Variants in YIF1B observed in about 807,000 individuals in gnomAD.
YIF1B encodes protein YIF1B.
In YIF1B, 24 loss-of-function variants were observed where a neutral mutation model predicts 34.6. The ratio of observed to expected loss-of-function variants is 0.69; its 90% CI spans 0.50 to 0.98. The LOEUF (loss-of-function observed/expected upper bound fraction) is 0.98. YIF1B is among the 50% of genes least tolerant of loss of function. The probability of loss-of-function intolerance (pLI) is 0.00; values close to 1 mark genes in which losing one functional copy is unlikely to be tolerated. For missense variants in YIF1B, 368 were observed against 429.4 expected, an observed-to-expected ratio of 0.86 and a Z score of 1.26; for synonymous variants, 186 against 184.8, an observed-to-expected ratio of 1.01 and a Z score of -0.05.
At chr19:38,312,730 G>C (rs1969372998) in intron 1 of YIF1B, among the ~76,000 whole-genome samples, 1 of 152,152 alleles carries the variant, frequency 6.6e-6, no homozygotes, top group African/African-American at 2.4e-5. Context: ...TCTACACAAC[G>C]GAGTTAACTG....
chr19:38,319,814 C>G, upstream of YIF1B: 2 of 896,166 alleles, frequency 2.2e-6, no homozygotes, highest in Non-Finnish European at 3.1e-6. Context: ...CCCCACCTCC[C>G]CTTTTTCCTC....
At chr19:38,319,864 C>T (rs528396934), upstream of YIF1B, 64 of 1,270,214 alleles carry the variant, frequency 5.0e-5, no homozygotes, top group South Asian at 1.8e-4. Flanking sequence ...GTAGCACTCC[C>T]GGAACTGGAA....
Position 38,304,346 on chromosome 19 carries a change from T to C in YIF1B, c.*1006A>G. ...GCCGGACTCAAGCCCAGAAGCTGCC[T>C]GCACCAACCACCCAACTTCTCTCCA... On this transcript the variant is annotated 3_prime_UTR_variant, in exon 8 of 8. Coordinates refer to ENST00000339413, the MANE Select transcript of YIF1B (RefSeq NM_001039672.3). 1 of 1,608,866 alleles carries C rather than the reference T, an allele frequency of 6.2e-7. No individual in the cohort carries two copies. Among genetic ancestry groups the C allele is most frequent in the Non-Finnish European group, 8.5e-7 (1 of 1,178,438 alleles).
In YIF1B at chr19:38,307,634, TG is replaced by T. The variant is rs1161969103; in HGVS notation, c.657del (p.Ile220SerfsTer14). Reference sequence around the variant, plus strand: ...TAGCCCAAGAAGGCCACCAGGTCGATGGTGGTGAGGTCGGTGTTGACAGTGA... The same window carrying T: ...TAGCCCAAGAAGGCCACCAGGTCGATGTGGTGAGGTCGGTGTTGACAGTGA... ...YLVTVNTDLT[T>X]IDLVAFLGYK... is the part of the protein sequence containing the mutation. On this transcript the variant is annotated frameshift_variant, in exon 6 of 8. Transcript: ENST00000339413. LOFTEE classifies it high-confidence loss of function. 2 of 1,613,688 alleles carry T rather than the reference TG, an allele frequency of 1.2e-6. No homozygotes were observed. The highest frequency in any genetic ancestry group is 4.5e-5 in the East Asian group (2 of 44,864).
intron 1 of YIF1B, among the ~76,000 whole-genome samples, chr19:38,311,961 G>A (rs919947537): frequency 6.6e-6 from 1 of 151,522 alleles, no homozygotes; most frequent in Non-Finnish European, 1.5e-5. Flanking sequence ...GCTGGGCATG[G>A]TGGTGCGTGC....
chr19:38,317,225 C>G (rs1969579342), upstream of YIF1B: 1 of 152,372 alleles, frequency 6.6e-6, no homozygotes. Context: ...CCCCCCTTCT[C>G]TCCCTCTCAG....
upstream of YIF1B, chr19:38,319,819 T>G: frequency 1.1e-6 from 1 of 945,188 alleles, no homozygotes; most frequent in South Asian, 2.5e-5. Context: ...CCTCCCCTTT[T>G]TCCTCTTCCT....
Position 38,309,379 on chromosome 19 carries a change from C to G in YIF1B, c.297+26G>C, listed in dbSNP as rs45552232. ...AGCCCTGTGGCCCCGTGCATCCCCCCACTCCCACCAGCCCCGCCCACTCAC... is the reference window on the plus strand; with the variant it reads ...AGCCCTGTGGCCCCGTGCATCCCCCGACTCCCACCAGCCCCGCCCACTCAC... On this transcript the variant is annotated intron_variant, in intron 2 of 7. Transcript: ENST00000339413. 3.8e-5 allele frequency: 62 copies of G among 1,612,694 alleles called. No individual in the cohort carries two copies. The South Asian group carries it at 4.6e-4, about 12-fold the overall frequency.
upstream of YIF1B, among the ~76,000 whole-genome samples, chr19:38,319,654 G>A (rs1424529323): frequency 6.6e-6 from 1 of 152,218 alleles, no homozygotes; most frequent in Non-Finnish European, 1.5e-5. Flanking sequence ...CGAGAAGGAA[G>A]GAATGAGGGG....
chr19:38,313,850 G>A (rs111582083), intron 1 of YIF1B, among the ~76,000 whole-genome samples: 13 of 152,352 alleles, frequency 8.5e-5, no homozygotes, highest in African/African-American at 3.1e-4. Context: ...AGAGGCCCCT[G>A]CCTTTGCAGA....
rs374419460 is a variant in YIF1B at position 38,304,047 on chromosome 19, C to T, written c.*1305G>A. 1.1e-4 allele frequency: 71 copies of T among 631,036 alleles called. 1 individual carries two copies. In the African/African-American group the frequency reaches 1.2e-3, roughly 11 times the overall value. The allele number at this position is 631,036 out of a possible 1,614,324, so 39.1% of individuals were successfully genotyped here. A position where few individuals can be genotyped will look rare whatever the true frequency, so the allele number is the denominator to read the frequency against. On this transcript the variant is annotated 3_prime_UTR_variant, in exon 8 of 8. Coordinates refer to ENST00000339413, the MANE Select transcript of YIF1B (RefSeq NM_001039672.3). ...GTCGGCCTCCCCTGAGGCACCAAGGCTGGCGGAAGCAGTCACCTGTCCATC... is the reference window on the plus strand; with the variant it reads ...GTCGGCCTCCCCTGAGGCACCAAGGTTGGCGGAAGCAGTCACCTGTCCATC...
Position 38,305,037 on chromosome 19 carries a change from C to T in YIF1B, c.*315G>A. ...CTGGTCAGCGTGGTGCCTACTCTGG[C>T]CCGTCCCCAGCTCCCTGCCCCCTGC... On this transcript the variant is annotated 3_prime_UTR_variant, in exon 8 of 8. Transcript: ENST00000339413. The T allele has an allele frequency of 6.5e-7, 1 of 1,544,480 alleles. No homozygotes were observed. Among genetic ancestry groups the T allele is most frequent in the South Asian group, 1.2e-5 (1 of 83,406 alleles).
In YIF1B at chr19:38,305,221, C is replaced by A; in HGVS notation, c.*131G>T. ...ACCTTGGGTTGGGGGCGGGGCTGGGCGGGACATGGGATGGAGGCGGTGCCT... is the reference window on the plus strand; with the variant it reads ...ACCTTGGGTTGGGGGCGGGGCTGGGAGGGACATGGGATGGAGGCGGTGCCT... On this transcript the variant is annotated 3_prime_UTR_variant, in exon 8 of 8. Coordinates refer to ENST00000339413, the MANE Select transcript of YIF1B (RefSeq NM_001039672.3). 1 of 1,378,218 alleles carries A rather than the reference C, an allele frequency of 7.3e-7. No individual in the cohort carries two copies. Among genetic ancestry groups the A allele is most frequent in the Non-Finnish European group, 9.7e-7 (1 of 1,036,196 alleles). 85.4% of individuals were successfully genotyped at this position (1,378,218 alleles called of 1,614,324 possible).
Position 38,305,375 on chromosome 19 carries a change from G to C in YIF1B, c.922C>G (p.Leu308Val), listed in dbSNP as rs1293483038. The C allele has an allele frequency of 1.9e-6, 3 of 1,604,218 alleles. No individual in the cohort carries two copies. The highest frequency in any genetic ancestry group is 2.6e-6 in the Non-Finnish European group (3 of 1,173,752). ...AAAQPMLMYW[L>V]TFHLVR ...GCTCACCGCACCAGGTGGAAGGTGA[G>C]CCAGTACATGAGCATAGGCTGCGCC... The change falls in exon 8 of 8, where the codon CTC (leucine) becomes GTC (valine). Residue 308 changes from leucine (L) to valine (V), a missense_variant. Around this residue, in one of 3 missense-constraint regions of YIF1B, gnomAD observed 208 missense variants for 247.8 expected, o/e 0.84. Coordinates refer to ENST00000339413, the MANE Select transcript of YIF1B (RefSeq NM_001039672.3).
In YIF1B at chr19:38,304,594, G is replaced by A. The variant is rs372833508; in HGVS notation, c.*758C>T. ...CCAACTTCAGGGGGCTGGGTAAGGGGCGCCGCCTCACTGCCGCACCTCCAT... is the reference window on the plus strand; with the variant it reads ...CCAACTTCAGGGGGCTGGGTAAGGGACGCCGCCTCACTGCCGCACCTCCAT... On this transcript the variant is annotated 3_prime_UTR_variant, in exon 8 of 8. Coordinates refer to ENST00000339413, the MANE Select transcript of YIF1B (RefSeq NM_001039672.3). The A allele has an allele frequency of 3.0e-5, 48 of 1,612,628 alleles. No homozygotes were observed. In the African/African-American group the frequency reaches 6.0e-4, roughly 20 times the overall value.
rs1452243451 is a variant in YIF1B at position 38,309,062 on chromosome 19, G to A, written c.403-5C>T. On this transcript the variant is annotated splice_region_variant and splice_polypyrimidine_tract_variant and intron_variant, in intron 3 of 7. Transcript: ENST00000339413. ...TTGGTACTGCACTTCCCAGTCCTGC[G>A]GGGATGGGGAGACGGGCAGGACCCT... The A allele has an allele frequency of 9.0e-6, 14 of 1,551,876 alleles. No individual in the cohort carries two copies. The highest frequency in any genetic ancestry group is 5.7e-5 in the Admixed American group (3 of 52,694).
intron 1 of YIF1B, 142 bp downstream of exon 1, chr19:38,315,718 C>G (rs1038608676): frequency 6.2e-7 from 1 of 1,609,388 alleles, no homozygotes. Flanking sequence ...GCCTCCTACC[C>G]GAACCTGGCA....
chr19:38,320,351 C>T, upstream of YIF1B: 8 of 1,432,084 alleles, frequency 5.6e-6, no homozygotes, highest in Non-Finnish European at 6.7e-6. Context: ...CCCCGGGGCC[C>T]TCACGAATAC....
chr19:38,309,608 T>C lies in YIF1B; in HGVS notation c.94A>G (p.Met32Val). Residue 32 changes from methionine (M) to valine (V), a missense_variant, in exon 2 of 8, where the codon ATG becomes GTG. Physicochemically the swap from Met to Val is conservative, Grantham distance 21. Transcript: ENST00000339413. ...KRRIPVSQPGMADPHQLFDDT... is the reference protein window; with the variant it reads ...KRRIPVSQPGVADPHQLFDDT... The stretch of plus-strand genomic sequence containing the variant: ...TCGAAAAGCTGGTGGGGGTCGGCCA[T>C]GCCCGGCTGGGACACAGGGATCCTC... 1 of 1,599,570 alleles carries C rather than the reference T, an allele frequency of 6.3e-7. No individual in the cohort carries two copies. Among genetic ancestry groups the C allele is most frequent in the South Asian group, 1.1e-5 (1 of 88,808 alleles).
Sources: allele counts gnomAD v4.1 joint callset (sites outside exome capture counted in the v4.1 genomes callset), GRCh38; gene constraint gnomAD v4.1.1; regional missense constraint gnomAD v4.1.1; transcripts MANE v1.5; gene names NCBI Gene and HGNC (gene_info 2026-07-23, HGNC 2026-07-21).